The following DLL3 variants were observed in gnomAD, a reference collection of about 807,000 sequenced individuals.
DLL3 encodes the protein delta like canonical Notch ligand 3.
A neutral mutation model predicts 55.0 loss-of-function variants in DLL3; 49 were observed. The ratio of observed to expected loss-of-function variants is 0.89; its 90% CI spans 0.71 to 1.13. DLL3 has a LOEUF of 1.13. Ranked by LOEUF, DLL3 falls within the 50% of genes most tolerant of loss-of-function variation. The probability of loss-of-function intolerance (pLI) is 0.00; values close to 1 mark genes in which losing one functional copy is unlikely to be tolerated. For missense variants in DLL3, 962 were observed against 875.5 expected, an observed-to-expected ratio of 1.10 and a Z score of -1.25; for synonymous variants, 421 against 385.2, an observed-to-expected ratio of 1.09 and a Z score of -1.09.
intron 3 of DLL3, 49 bp downstream of exon 3, chr19:39,500,721 G>T: frequency 1.3e-6 from 2 of 1,540,244 alleles, no homozygotes; most frequent in South Asian, 2.2e-5. Context: ...GCCCACGTGA[G>T]ACACGGGGTT....
In DLL3 at chr19:39,507,174, G is replaced by GCGGCGCGCACCGCTGCTC. The variant is rs1382302570; in HGVS notation, c.1231_1248dup (p.Gly411_Ser416dup). ...AACGGCGGCACGTGTGTGGAGGGCG[G>GCGGCGCGCACCGCTGCTC]CGGCGCGCACCGCTGCTCCTGCGCG... is the stretch of plus-strand genomic sequence containing the variant. On this transcript the variant is annotated inframe_insertion, in exon 7 of 9. Transcript: ENST00000356433. 8 of 1,366,968 alleles carry GCGGCGCGCACCGCTGCTC rather than the reference G, an allele frequency of 5.9e-6. No individual in the cohort carries two copies. Among genetic ancestry groups the GCGGCGCGCACCGCTGCTC allele is most frequent in the Admixed American group, 7.4e-5 (2 of 27,032 alleles). 84.7% of individuals were successfully genotyped at this position (1,366,968 alleles called of 1,614,324 possible).
At position 39,503,010 on chromosome 19, in the gene DLL3, C is replaced by T; in HGVS notation, c.605C>T (p.Pro202Leu). Residue 202 changes from proline to leucine, a missense_variant, in exon 4 of 9, where the codon CCG (proline) becomes CTG (leucine). By Grantham distance (98) the Pro-to-Leu change is moderately conservative. Transcript: ENST00000356433. ...RPRSAPSRCG[P>L]GLRPCAPLED... The stretch of plus-strand genomic sequence containing the variant: ...CGCAGCGCCCCCTCGCGGTGCGGTC[C>T]GGGACTGCGCCCCTGCGCACCGCTC... The T allele has an allele frequency of 1.3e-6, 2 of 1,506,460 alleles. No individual in the cohort carries two copies. The highest frequency in any genetic ancestry group is 1.8e-6 in the Non-Finnish European group (2 of 1,134,960). 93.3% of individuals were successfully genotyped at this position (1,506,460 alleles called of 1,614,324 possible).
Position 39,507,935 on chromosome 19 carries a change from C to T in DLL3, c.1758+21C>T, listed in dbSNP as rs770611082. 3.1e-6 allele frequency: 5 copies of T among 1,614,186 alleles called. No homozygotes were observed. The East Asian group carries it at 8.9e-5, about 29-fold the overall frequency. ...GGGAGGTAGCGACGCCCCTTTTCCC[C>T]CCGCTACACACTGGGCGCGCTGGGC... is the stretch of plus-strand genomic sequence containing the variant. On this transcript the variant is annotated intron_variant, in intron 8 of 8. Transcript: ENST00000356433.
chr19:39,502,646 A>G (rs962675531), intron 3 of DLL3, among the ~76,000 whole-genome samples, 169 bp from the exon 4 acceptor site: 6 of 152,156 alleles, frequency 3.9e-5, no homozygotes, highest in African/African-American at 1.4e-4. Context: ...CAGCCTTGCT[A>G]AAGTAGAGGG....
chr19:39,504,387 A>T, intron 5 of DLL3, 99 bp downstream of exon 5: 1 of 1,333,222 alleles, frequency 7.5e-7, no homozygotes, highest in East Asian at 2.4e-5. Context: ...TGGGGAGGAG[A>T]TCTGGGAATA....
chr19:39,503,288 T>A lies in DLL3; in HGVS notation c.652+231T>A, dbSNP rs184957029. On this transcript the variant is annotated intron_variant, in intron 4 of 8. Coordinates refer to ENST00000356433, the MANE Select transcript of DLL3 (RefSeq NM_203486.3). ...ATCCAGCTGCCACCTTCGGAGAAAC[T>A]GAGGACCCTGGACCTCTCTCCAGCC... 1.3e-3 allele frequency among the ~76,000 whole-genome samples: 199 copies of A among 152,276 alleles called. 1 individual carries two copies. The highest frequency in any genetic ancestry group is 3.4e-3 in the Middle Eastern group (1 of 294).
chr19:39,502,478 G>C (rs1036247082), intron 3 of DLL3, among the ~76,000 whole-genome samples: 1 of 151,964 alleles, frequency 6.6e-6, no homozygotes, highest in Non-Finnish European at 1.5e-5. Context: ...TCACCATGTT[G>C]ATCAGGCTGG....
At chr19:39,502,058 G>T (rs1027535374) in intron 3 of DLL3, among the ~76,000 whole-genome samples, 2 of 151,658 alleles carry the variant, frequency 1.3e-5, no homozygotes, top group Non-Finnish European at 2.9e-5. Context: ...GTGGTGGCAG[G>T]CGCCTGTAGT....
chr19:39,507,867 C>A lies in DLL3; in HGVS notation c.1711C>A (p.Pro571Thr). 4 of 1,614,096 alleles carry A rather than the reference C, an allele frequency of 2.5e-6. No homozygotes were observed. Among genetic ancestry groups the A allele is most frequent in the Non-Finnish European group, 3.4e-6 (4 of 1,180,018 alleles). ...TTGGAATCGCCCTGAAGATGTAGAC[C>A]CTCAAGGGATTTATGTCATATCTGC... is the stretch of plus-strand genomic sequence containing the variant. ...VDWNRPEDVDPQGIYVISAPS... is the reference protein window; with the variant it reads ...VDWNRPEDVDTQGIYVISAPS... Residue 571 changes from proline (P) to threonine (T), a missense_variant, in exon 8 of 9, where the codon CCT (proline) becomes ACT (threonine). Transcript: ENST00000356433.
In DLL3 at chr19:39,499,187, C is replaced by G. The variant is rs2079594169; in HGVS notation, c.70-5C>G. On this transcript the variant is annotated splice_polypyrimidine_tract_variant and splice_region_variant and intron_variant, in intron 1 of 8. Coordinates refer to ENST00000356433, the MANE Select transcript of DLL3 (RefSeq NM_203486.3). ...CGCCTCACCCTGCGCCCGTCTCCGT[C>G]CCAGACACGGCCCGCTGGCGTCTTC... 2 of 1,584,538 alleles carry G rather than the reference C, an allele frequency of 1.3e-6. No individual in the cohort carries two copies. Among genetic ancestry groups the G allele is most frequent in the South Asian group, 2.2e-5 (2 of 89,160 alleles).
chr19:39,499,600 G>A (rs2079598133), intron 2 of DLL3, 127 bp downstream of exon 2: 1 of 1,239,016 alleles, frequency 8.1e-7, no homozygotes, highest in South Asian at 1.4e-5. Context: ...GAAATTCCCA[G>A]ACCAGTAACT....
chr19:39,508,061 TTAC>T, intron 8 of DLL3, 147 bp downstream of exon 8: 1 of 1,601,650 alleles, frequency 6.2e-7, no homozygotes, highest in Admixed American at 1.8e-5. Flanking sequence ...CAGTTCTAAC[TTAC>T]TTTCATCCTA....
chr19:39,508,454 GCTATTAT>G lies in DLL3; in HGVS notation c.*198_*204del, dbSNP rs2079657978. 1 of 646,044 alleles carries G rather than the reference GCTATTAT, an allele frequency of 1.5e-6. No individual in the cohort carries two copies. The highest frequency in any genetic ancestry group is 1.9e-5 in the South Asian group (1 of 53,936). The allele number at this position is 646,044 out of a possible 1,614,324, so 40.0% of individuals were successfully genotyped here. ...CATCTCTCTAGAAACACCTATAAAG[GCTATTAT>G]TGTGATCAGTTTTGACTAACGAGGC... is the stretch of plus-strand genomic sequence containing the variant. On this transcript the variant is annotated 3_prime_UTR_variant, in exon 9 of 9. Transcript: ENST00000356433.
At chr19:39,500,494 C>A in intron 2 of DLL3, 121 bp from the exon 3 acceptor site, 2 of 828,800 alleles carry the variant, frequency 2.4e-6, no homozygotes. Context: ...GGAATTGTCC[C>A]TTGCTTGCTC....
At chr19:39,507,977 T>G (rs750855068) in intron 8 of DLL3, 63 bp downstream of exon 8, 1 of 1,613,820 alleles carries the variant, frequency 6.2e-7, no homozygotes, top group African/African-American at 1.3e-5. Flanking sequence ...AGCACCTGCT[T>G]TTTCCCTACC....
chr19:39,507,770 G>C (rs2079653282), intron 7 of DLL3, 60 bp from the exon 8 acceptor site: 1 of 1,612,152 alleles, frequency 6.2e-7, no homozygotes, highest in Non-Finnish European at 8.5e-7. Flanking sequence ...GATGGGTAGG[G>C]GAAAACAAGA....
chr19:39,503,985 C>A, intron 4 of DLL3, 86 bp from the exon 5 acceptor site: 1 of 1,378,924 alleles, frequency 7.3e-7, no homozygotes, highest in Non-Finnish European at 1.0e-6. Context: ...AGGGAACGTG[C>A]TCAGAAACCT....
In DLL3 at chr19:39,502,927, C is replaced by A. The variant is rs765809448; in HGVS notation, c.522C>A (p.Tyr174Ter). Reference protein sequence around the residue: ...RAGAWELRFSYRARCEPPAVG... With the variant: ...RAGAWELRFS ...GCGCCTGGGAGCTGCGCTTCTCGTA[C>A]CGCGCGCGCTGCGAGCCGCCTGCCG... The change falls in exon 4 of 9, where the codon TAC becomes TAA. Residue 174 changes from tyrosine to a stop codon, truncating the protein, a stop_gained. Transcript: ENST00000356433. LOFTEE classifies it high-confidence loss of function. 1 of 1,440,638 alleles carries A rather than the reference C, an allele frequency of 6.9e-7. No individual in the cohort carries two copies. The highest frequency in any genetic ancestry group is 9.1e-7 in the Non-Finnish European group (1 of 1,102,804). The allele number at this position is 1,440,638 out of a possible 1,614,324, so 89.2% of individuals were successfully genotyped here. A position where few individuals can be genotyped will look rare whatever the true frequency, so the allele number is the denominator to read the frequency against.
At chr19:39,500,579 T>C in intron 2 of DLL3, 36 bp from the exon 3 acceptor site, 2 of 1,592,840 alleles carry the variant, frequency 1.3e-6, no homozygotes, top group Non-Finnish European at 1.7e-6. Flanking sequence ...ACCACTGTCT[T>C]TCATCTTTCA....
Sources: allele counts gnomAD v4.1 joint callset (sites outside exome capture counted in the v4.1 genomes callset), GRCh38; gene constraint gnomAD v4.1.1; transcripts MANE v1.5; gene names NCBI Gene and HGNC (gene_info 2026-07-23, HGNC 2026-07-21).